Variants in ACO1 observed in about 807,000 individuals in gnomAD.
ACO1 encodes the protein aconitase 1, also known as cytoplasmic aconitate hydratase.
A neutral mutation model predicts 105.1 loss-of-function variants in ACO1; 78 were observed. That is an observed-to-expected ratio of 0.74 (90% CI 0.62 to 0.90). ACO1 has a LOEUF of 0.90. Among genes scored for constraint, ACO1 ranks in the 40% least tolerant of loss-of-function variants. ACO1 has a pLI of 0.00. For missense variants in ACO1, 965 were observed against 1,111.1 expected, an observed-to-expected ratio of 0.87 and a Z score of 1.87; for synonymous variants, 364 against 397.4, an observed-to-expected ratio of 0.92 and a Z score of 1.00.
At chr9:32,430,309 C>T (rs1822197007) in intron 13 of ACO1, 109 bp from the exon 14 acceptor site, 1 of 1,104,766 alleles carries the variant, frequency 9.1e-7, no homozygotes, top group East Asian at 2.6e-5. Context: ...AGTGAAAGGG[C>T]AGCTTAAAGG....
intron 9 of ACO1, among the ~76,000 whole-genome samples, 170 bp from the exon 10 acceptor site, chr9:32,424,379 T>G (rs916267177): frequency 6.6e-5 from 10 of 152,188 alleles, no homozygotes; most frequent in African/African-American, 2.4e-4. Context: ...ATTAATCACT[T>G]AAGATTAATT....
intron 1 of ACO1, 146 bp from the exon 2 acceptor site, chr9:32,405,338 AT>A (rs552325935): frequency 6.1e-5 from 35 of 573,310 alleles, no homozygotes; most frequent in Non-Finnish European, 8.4e-5. Flanking sequence ...ATTTTTAACT[AT>A]TTTTTTTAAA....
chr9:32,408,504 C>T lies in ACO1; in HGVS notation c.267-10C>T. 1.2e-6 allele frequency: 2 copies of T among 1,613,076 alleles called. No homozygotes were observed. Among genetic ancestry groups the T allele is most frequent in the Non-Finnish European group, 1.7e-6 (2 of 1,179,672 alleles). ...GCTTATTTTCTGCATTATTCTCTTTCTTCTCTTAGGGGTGTGCCCGCTGTG... is the reference window on the plus strand; with the variant it reads ...GCTTATTTTCTGCATTATTCTCTTTTTTCTCTTAGGGGTGTGCCCGCTGTG... On this transcript the variant is annotated splice_polypyrimidine_tract_variant and intron_variant, in intron 3 of 20. Coordinates refer to ENST00000309951, the MANE Select transcript of ACO1 (RefSeq NM_002197.3).
chr9:32,424,939 T>C (rs1442061740), intron 10 of ACO1, among the ~76,000 whole-genome samples: 21 of 152,252 alleles, frequency 1.4e-4, no homozygotes, highest in Non-Finnish European at 4.4e-5. Context: ...GTTTTCTAGC[T>C]GTTGCACCTT....
intron 15 of ACO1, 65 bp from the exon 16 acceptor site, chr9:32,433,663 G>T: frequency 8.2e-7 from 1 of 1,219,794 alleles, no homozygotes. Flanking sequence ...TATGTTTTGT[G>T]TTTGCATATT....
intron 7 of ACO1, 119 bp from the exon 8 acceptor site, chr9:32,420,737 G>C: frequency 9.9e-7 from 1 of 1,008,124 alleles, no homozygotes; most frequent in East Asian, 2.4e-5. Context: ...AATGTGTTGG[G>C]CTGATTTACT....
At chr9:32,384,816 T>C in intron 1 of ACO1, 81 bp downstream of exon 1, 1 of 270,046 alleles carries the variant, frequency 3.7e-6, no homozygotes, top group South Asian at 2.6e-5. Flanking sequence ...GGTGCGGGCC[T>C]TTACCGAGGT....
chr9:32,428,666 G>A (rs1343257808), intron 12 of ACO1, among the ~76,000 whole-genome samples: 5 of 151,990 alleles, frequency 3.3e-5, no homozygotes, highest in African/African-American at 4.8e-5. Context: ...GTGAAACCCC[G>A]TCTCTACTGA....
rs768630057 is a variant in ACO1, at chr9:32,453,584, A to T, written c.*3473A>T. Reference sequence around the variant, plus strand: ...CAGCAGTTCTGGGGAAACCATTAGTAATTTGTGATCGTAGAGATTTGTCTC... The same window carrying T: ...CAGCAGTTCTGGGGAAACCATTAGTTATTTGTGATCGTAGAGATTTGTCTC... On this transcript the variant is annotated 3_prime_UTR_variant, in exon 21 of 21. Coordinates refer to ENST00000309951, the MANE Select transcript of ACO1 (RefSeq NM_002197.3). 1 of 152,184 alleles carries T rather than the reference A, an allele frequency of 6.6e-6. No individual in the cohort carries two copies. The highest frequency in any genetic ancestry group is 1.9e-4 in the East Asian group (1 of 5,198). The allele number at this position is 152,184 out of a possible 1,614,324, so 9.4% of individuals were successfully genotyped here.
At chr9:32,440,640 TC>T in intron 19 of ACO1, 53 bp downstream of exon 19, 2 of 1,585,712 alleles carry the variant, frequency 1.3e-6, no homozygotes, top group South Asian at 1.1e-5. Flanking sequence ...ACTGGGAGGG[TC>T]CCCAGGCACA....
chr9:32,426,062 G>T (rs1003779874), intron 11 of ACO1, 65 bp downstream of exon 11: 1 of 1,542,180 alleles, frequency 6.5e-7, no homozygotes, highest in African/African-American at 1.4e-5. Flanking sequence ...CCCGAGACAG[G>T]GCCCAGGGCC....
At chr9:32,406,406 A>C (rs1173527100) in intron 2 of ACO1, among the ~76,000 whole-genome samples, 1 of 152,216 alleles carries the variant, frequency 6.6e-6, no homozygotes, top group Admixed American at 6.5e-5. Flanking sequence ...CAATTGATTG[A>C]GTCCAGGAGT....
chr9:32,445,071 A>AT (rs1563949097), intron 19 of ACO1, among the ~76,000 whole-genome samples: 1 of 151,456 alleles, frequency 6.6e-6, no homozygotes, highest in African/African-American at 2.4e-5. Flanking sequence ...TTGGCCTCAA[A>AT]TTTTTTTTGG....
intron 1 of ACO1, among the ~76,000 whole-genome samples, chr9:32,387,575 G>C (rs1298773760): frequency 1.3e-5 from 2 of 152,082 alleles, no homozygotes; most frequent in East Asian, 3.8e-4. Flanking sequence ...CCTAGATATA[G>C]GGTGTATGAT....
Position 32,443,515 on chromosome 9 carries a change from G to A in ACO1, c.2370+2928G>A, listed in dbSNP as rs899235027. Among the ~76,000 whole-genome samples, 3 of 152,178 alleles carry A rather than the reference G, an allele frequency of 2.0e-5. No homozygotes were observed. In the South Asian group the frequency reaches 6.2e-4, roughly 31 times the overall value. ...CATTATCGATATTCTAGACTTTGAAGTAAAATAATAAAAAGTTTACTTAAA... is the reference window on the plus strand; with the variant it reads ...CATTATCGATATTCTAGACTTTGAAATAAAATAATAAAAAGTTTACTTAAA... On this transcript the variant is annotated intron_variant, in intron 19 of 20. Transcript: ENST00000309951.
rs543516469 is a variant in ACO1 at position 32,433,718 on chromosome 9, CT to C, written c.1852-4del. The C allele has an allele frequency of 6.9e-6, 11 of 1,586,346 alleles. No homozygotes were observed. Among genetic ancestry groups the C allele is most frequent in the Non-Finnish European group, 9.4e-6 (11 of 1,171,158 alleles). ...ATGTGATTAGATCTGCCTTTCTTTT[CT>C]TTTTTAAGACTGTGAATGAAAGCTG... On this transcript the variant is annotated splice_polypyrimidine_tract_variant and intron_variant, in intron 15 of 20. Transcript: ENST00000309951.
chr9:32,407,453 TC>T (rs1169964456), intron 3 of ACO1, 24 bp downstream of exon 3: 23 of 1,598,170 alleles, frequency 1.4e-5, no homozygotes, highest in Non-Finnish European at 2.0e-5. Context: ...CACTTCACTC[TC>T]CTTTGCCTCC....
At chr9:32,446,963 G>T (rs1465629836) in intron 19 of ACO1, among the ~76,000 whole-genome samples, 1 of 152,112 alleles carries the variant, frequency 6.6e-6, no homozygotes, top group Admixed American at 6.5e-5. Flanking sequence ...TTAGTCTGAT[G>T]GGCTTCCCTT....
Position 32,448,938 on chromosome 9 carries a change from C to G in ACO1, c.2413C>G (p.Arg805Gly). ...GGCCGAGAGCTACGAGCGCATTCAC[C>G]GCAGTAACCTGGTTGGGATGGGTGT... Reference protein sequence around the residue: ...VLAESYERIHRSNLVGMGVIP... With the variant: ...VLAESYERIHGSNLVGMGVIP... Residue 805 changes from arginine to glycine, a missense_variant, in exon 20 of 21, where the codon CGC (arginine) becomes GGC (glycine). Arg to Gly is a moderately radical substitution (Grantham distance 125). Transcript: ENST00000309951. The G allele has an allele frequency of 6.2e-7, 1 of 1,614,202 alleles. No individual in the cohort carries two copies. The highest frequency in any genetic ancestry group is 8.5e-7 in the Non-Finnish European group (1 of 1,180,044).
Sources: gnomAD v4.1 joint callset for allele counts (sites outside exome capture counted in the v4.1 genomes callset) on GRCh38, gnomAD v4.1.1 for gene constraint, MANE v1.5 for transcripts, NCBI Gene and HGNC (gene_info 2026-07-23, HGNC 2026-07-21) for gene names.